EMB: variants seen among roughly 807,000 people sequenced by gnomAD.
EMB encodes the protein embigin homolog.
EMB carries 31 observed loss-of-function variants against 41.4 expected under a neutral mutation model. The observed-to-expected ratio is 0.75, with a 90% CI of 0.56 to 1.01. The LOEUF is 1.01. Among genes scored for constraint, EMB ranks in the 50% least tolerant of loss-of-function variants. EMB has a pLI of 0.00. For missense variants in EMB, 379 were observed against 388.3 expected (o/e 0.98, Z 0.20); for synonymous variants, 137 against 140.4 (o/e 0.98, Z 0.17).
Position 50,398,179 on chromosome 5 carries a change from T to A in EMB, c.*1094A>T, listed in dbSNP as rs1315042803. On this transcript the variant is annotated 3_prime_UTR_variant, in exon 9 of 9. Transcript: ENST00000303221. ...AGTATCTTGTGGTATGATTTTAGTA[T>A]TCATTCAAGCATTGACAACTTTTCA... 9 of 151,468 alleles carry A rather than the reference T, an allele frequency of 5.9e-5. No individual in the cohort carries two copies. Among genetic ancestry groups the A allele is most frequent in the Non-Finnish European group, 1.3e-4 (9 of 67,842 alleles). 9.4% of individuals were successfully genotyped at this position (151,468 alleles called of 1,614,324 possible). A position where few individuals can be genotyped will look rare whatever the true frequency, so the allele number is the denominator to read the frequency against.
chr5:50,421,596 G>T (rs559127163), intron 2 of EMB, among the ~76,000 whole-genome samples: 1 of 151,908 alleles, frequency 6.6e-6, no homozygotes, highest in African/African-American at 2.4e-5. Flanking sequence ...ACATGCACAC[G>T]TATGTTTATT....
chr5:50,411,613 G>T, intron 2 of EMB: 1 of 344,572 alleles, frequency 2.9e-6, no homozygotes. Context: ...AAAACCTAAA[G>T]CTGTGATAGT....
In EMB at chr5:50,404,872, T is replaced by C. The variant is rs189316616; in HGVS notation, c.600+853A>G. Among the ~76,000 whole-genome samples, 375 of 152,030 alleles carry C rather than the reference T, an allele frequency of 2.5e-3. 1 individual carries two copies. The highest frequency in any genetic ancestry group is 3.7e-3 in the Non-Finnish European group (250 of 67,876). Reference sequence around the variant, plus strand: ...ATAAGTCACACTCCCTTCTGAATCATCTGTCATCCTTCAATAGTCTATAAT... The same window carrying C: ...ATAAGTCACACTCCCTTCTGAATCACCTGTCATCCTTCAATAGTCTATAAT... On this transcript the variant is annotated intron_variant, in intron 5 of 8. Coordinates refer to ENST00000303221, the MANE Select transcript of EMB (RefSeq NM_198449.3).
chr5:50,419,651 C>T (rs112626439), intron 2 of EMB, among the ~76,000 whole-genome samples: 4 of 152,118 alleles, frequency 2.6e-5, no homozygotes, highest in African/African-American at 9.6e-5. Flanking sequence ...TCAAGATTGG[C>T]CTCTTCATCC....
At chr5:50,425,421 T>C (rs1162663281) in intron 2 of EMB, among the ~76,000 whole-genome samples, 2 of 152,176 alleles carry the variant, frequency 1.3e-5, no homozygotes, top group African/African-American at 4.8e-5. Context: ...AACTGTCAGC[T>C]GTTTATTTTT....
At chr5:50,440,337 C>G (rs61657013) in intron 1 of EMB, among the ~76,000 whole-genome samples, 43 of 152,048 alleles carry the variant, frequency 2.8e-4, no homozygotes, top group African/African-American at 9.4e-4. Flanking sequence ...AGTTCGAGAC[C>G]AGACTGACCA....
intron 4 of EMB, among the ~76,000 whole-genome samples, chr5:50,409,967 T>C (rs1404034887): frequency 6.6e-6 from 1 of 152,044 alleles, no homozygotes; most frequent in Non-Finnish European, 1.5e-5. Flanking sequence ...GCAGAAGGGA[T>C]GCAATGAGGG....
chr5:50,421,041 A>C (rs1461770395), intron 2 of EMB, among the ~76,000 whole-genome samples: 3 of 152,202 alleles, frequency 2.0e-5, no homozygotes, highest in Admixed American at 2.0e-4. Flanking sequence ...CTCAAACACA[A>C]ATATCTACAA....
chr5:50,420,140 T>G (rs1224499120), intron 2 of EMB, among the ~76,000 whole-genome samples: 1 of 152,082 alleles, frequency 6.6e-6, no homozygotes, highest in South Asian at 2.1e-4. Context: ...CGTTTACCTA[T>G]GTAACAAACC....
At chr5:50,406,979 A>G (rs1290300599) in intron 4 of EMB, among the ~76,000 whole-genome samples, 7 of 152,122 alleles carry the variant, frequency 4.6e-5, no homozygotes, top group Non-Finnish European at 1.0e-4. Flanking sequence ...GAAGAGGCAC[A>G]AGATGCACTA....
At chr5:50,436,480 T>A (rs1022210386) in intron 1 of EMB, among the ~76,000 whole-genome samples, 1 of 152,176 alleles carries the variant, frequency 6.6e-6, no homozygotes, top group African/African-American at 2.4e-5. Context: ...CCCACAGAGA[T>A]GTCTCCTTAC....
At chr5:50,416,715 G>A (rs779461758) in intron 2 of EMB, among the ~76,000 whole-genome samples, 2 of 152,026 alleles carry the variant, frequency 1.3e-5, no homozygotes, top group Admixed American at 1.3e-4. Context: ...TTCATAATGA[G>A]GTAGGAGGTG....
At chr5:50,438,359 C>G (rs1745839901) in intron 1 of EMB, among the ~76,000 whole-genome samples, 1 of 152,114 alleles carries the variant, frequency 6.6e-6, no homozygotes, top group Non-Finnish European at 1.5e-5. Flanking sequence ...TGAGAATTCC[C>G]CAGGAGTGCA....
chr5:50,414,914 C>G (rs1745404369), intron 2 of EMB, among the ~76,000 whole-genome samples: 1 of 152,148 alleles, frequency 6.6e-6, no homozygotes, highest in South Asian at 2.1e-4. Context: ...TCTCTGGTCT[C>G]TTTACTTCTC....
intron 7 of EMB, 69 bp downstream of exon 7, chr5:50,402,217 T>TTTCA: frequency 1.3e-6 from 2 of 1,511,500 alleles, no homozygotes; most frequent in Middle Eastern, 1.7e-4. Context: ...ACTGCAAACA[T>TTTCA]TTCATTCAAT....
intron 6 of EMB, 25 bp downstream of exon 6, chr5:50,403,153 A>C (rs771419562): frequency 1.2e-5 from 18 of 1,554,900 alleles, no homozygotes; most frequent in East Asian, 2.3e-5. Flanking sequence ...TAAAAAAAAC[A>C]AAAAACAAAA....
intron 5 of EMB, among the ~76,000 whole-genome samples, chr5:50,403,977 G>A (rs1420402843): frequency 6.6e-6 from 1 of 151,798 alleles, no homozygotes; most frequent in Non-Finnish European, 1.5e-5. Flanking sequence ...TAGAATGGAG[G>A]GGACCCTCTG....
rs547132934 is a variant in EMB, at chr5:50,423,226, A to G, written c.196+4918T>C. On this transcript the variant is annotated intron_variant, in intron 2 of 8. Transcript: ENST00000303221. ...GCACTAAAACTAAAGAAAACAAACA[A>G]TACTAGTTTTTATGGATGCACACAT... Among the ~76,000 whole-genome samples the G allele has an allele frequency of 1.5e-4, 23 of 152,246 alleles. No individual in the cohort carries two copies. The South Asian group carries it at 4.8e-3, about 32-fold the overall frequency.
intron 1 of EMB, among the ~76,000 whole-genome samples, chr5:50,438,963 T>C (rs1458442188): frequency 6.6e-6 from 1 of 151,550 alleles, no homozygotes; most frequent in African/African-American, 2.4e-5. Context: ...CTGACGCCTA[T>C]GGAATAAGTA....
Sources: allele counts gnomAD v4.1 joint callset (sites outside exome capture counted in the v4.1 genomes callset), GRCh38; gene constraint gnomAD v4.1.1; transcripts MANE v1.5; gene names NCBI Gene and HGNC (gene_info 2026-07-23, HGNC 2026-07-21).